KCNT2: variants seen among roughly 807,000 people sequenced by gnomAD.
KCNT2 encodes the protein potassium sodium-activated channel subfamily T member 2.
A neutral mutation model predicts 153.8 loss-of-function variants in KCNT2; 67 were observed. The observed-to-expected ratio is 0.44, with a 90% CI of 0.36 to 0.53. The LOEUF (loss-of-function observed/expected upper bound fraction) is 0.53. Among genes scored for constraint, KCNT2 ranks in the 20% least tolerant of loss-of-function variants. KCNT2 has a pLI of 0.00. For synonymous variants in KCNT2, 500 were observed against 458.8 expected, an observed-to-expected ratio of 1.09 and a Z score of -1.15; for missense variants, 975 against 1,354.8, an observed-to-expected ratio of 0.72 and a Z score of 4.40.
At chr1:196,500,997 A>G (rs1680653748) in intron 1 of KCNT2, among the ~76,000 whole-genome samples, 1 of 152,186 alleles carries the variant, frequency 6.6e-6, no homozygotes, top group African/African-American at 2.4e-5. Flanking sequence ...TAAAATCACA[A>G]TGAGATACCA....
intron 1 of KCNT2, among the ~76,000 whole-genome samples, chr1:196,585,600 TAA>T (rs60513367): frequency 6.6e-6 from 1 of 151,044 alleles, no homozygotes; most frequent in Non-Finnish European, 1.5e-5. Context: ...GCTAACTAAT[TAA>T]AAAAAAACAT....
At chr1:196,548,196 T>C (rs1422827444) in intron 1 of KCNT2, among the ~76,000 whole-genome samples, 2 of 152,038 alleles carry the variant, frequency 1.3e-5, no homozygotes, top group East Asian at 1.9e-4. Context: ...TCTGTTTTTA[T>C]AGTTCTTTAA....
chr1:196,317,703 T>C (rs1662863180), intron 20 of KCNT2, among the ~76,000 whole-genome samples: 1 of 151,690 alleles, frequency 6.6e-6, no homozygotes, highest in African/African-American at 2.4e-5. Flanking sequence ...AGATGAATAG[T>C]TAATCATCAA....
chr1:196,273,221 A>G (rs1658233017), intron 25 of KCNT2, among the ~76,000 whole-genome samples: 1 of 151,852 alleles, frequency 6.6e-6, no homozygotes, highest in Admixed American at 6.6e-5. Context: ...TTTAATTAGC[A>G]CACAAATATC....
At chr1:196,464,882 A>T (rs1677472987) in intron 8 of KCNT2, among the ~76,000 whole-genome samples, 1 of 152,004 alleles carries the variant, frequency 6.6e-6, no homozygotes, top group African/African-American at 2.4e-5. Context: ...TCATGCACAG[A>T]AAGCAGAGGC....
intron 4 of KCNT2, among the ~76,000 whole-genome samples, chr1:196,481,294 T>C (rs973967269): frequency 1.3e-5 from 2 of 152,156 alleles, no homozygotes; most frequent in African/African-American, 4.8e-5. Flanking sequence ...ATGAAAGATA[T>C]TGAAGACTTG....
In KCNT2 at chr1:196,435,668, T is replaced by C. The variant is rs568196964; in HGVS notation, c.639-5911A>G. Reference sequence around the variant, plus strand: ...CGATTATGTCACAGTGAATACTGCATGCTCTAATACAAAGTTCAGTCAATC... The same window carrying C: ...CGATTATGTCACAGTGAATACTGCACGCTCTAATACAAAGTTCAGTCAATC... On this transcript the variant is annotated intron_variant, in intron 8 of 27. Transcript: ENST00000294725. Among the ~76,000 whole-genome samples the C allele has an allele frequency of 2.6e-5, 4 of 151,880 alleles. No individual in the cohort carries two copies. The East Asian group carries it at 7.8e-4, about 29-fold the overall frequency.
chr1:196,378,209 C>A (rs1203610821), intron 13 of KCNT2, among the ~76,000 whole-genome samples: 1 of 152,138 alleles, frequency 6.6e-6, no homozygotes, highest in East Asian at 1.9e-4. Context: ...AAAGGACATA[C>A]TATGGACCAA....
chr1:196,486,999 T>C (rs1197818645), intron 3 of KCNT2, among the ~76,000 whole-genome samples: 2 of 151,898 alleles, frequency 1.3e-5, no homozygotes, highest in Non-Finnish European at 2.9e-5. Context: ...CAACCAACTA[T>C]CAAGGATGTT....
intron 1 of KCNT2, among the ~76,000 whole-genome samples, chr1:196,577,591 C>T (rs774922169): frequency 2.6e-5 from 4 of 152,148 alleles, no homozygotes; most frequent in Admixed American, 6.6e-5. Context: ...CTATTCAAGG[C>T]TGAGGAAAGA....
chr1:196,404,233 A>C, intron 12 of KCNT2: 1 of 488,276 alleles, frequency 2.0e-6, no homozygotes, highest in Middle Eastern at 1.0e-3. Flanking sequence ...CTAATCTAAA[A>C]ACTTGTCACT....
chr1:196,270,428 A>G (rs1657957697), intron 25 of KCNT2, among the ~76,000 whole-genome samples: 1 of 152,144 alleles, frequency 6.6e-6, no homozygotes, highest in Non-Finnish European at 1.5e-5. Flanking sequence ...AAAATTAAGT[A>G]TGTATGCTTA....
At chr1:196,464,048 G>A (rs956369258) in intron 8 of KCNT2, among the ~76,000 whole-genome samples, 17 of 151,466 alleles carry the variant, frequency 1.1e-4, no homozygotes, top group Non-Finnish European at 1.8e-4. Context: ...AAAAATTATC[G>A]TATGCATACC....
intron 8 of KCNT2, among the ~76,000 whole-genome samples, chr1:196,464,066 C>CG (rs1677391860): frequency 6.6e-6 from 1 of 151,810 alleles, no homozygotes; most frequent in African/African-American, 2.4e-5. Context: ...ACCATACATA[C>CG]ATAATTTTTT....
At chr1:196,486,044 G>C (rs937137405) in intron 3 of KCNT2, among the ~76,000 whole-genome samples, 2 of 151,876 alleles carry the variant, frequency 1.3e-5, no homozygotes, top group African/African-American at 4.8e-5. Flanking sequence ...TTAAGTAGCA[G>C]ATGCATCATC....
chr1:196,539,845 A>C (rs1258678897), intron 1 of KCNT2, among the ~76,000 whole-genome samples: 2 of 151,594 alleles, frequency 1.3e-5, no homozygotes, highest in African/African-American at 4.8e-5. Flanking sequence ...TGTATTATAT[A>C]TATAAATTAT....
intron 8 of KCNT2, among the ~76,000 whole-genome samples, chr1:196,452,548 G>C (rs777740140): frequency 6.6e-6 from 1 of 151,728 alleles, no homozygotes; most frequent in African/African-American, 2.4e-5. Flanking sequence ...AGCTTTTTAC[G>C]GCTCAGCTAT....
intron 21 of KCNT2, among the ~76,000 whole-genome samples, chr1:196,314,932 T>G (rs1041286653): frequency 2.6e-5 from 4 of 151,764 alleles, no homozygotes; most frequent in Non-Finnish European, 5.9e-5. Context: ...AATAATATTG[T>G]GATTAATATA....
chr1:196,338,613 A>G (rs1665267586), intron 16 of KCNT2, among the ~76,000 whole-genome samples: 1 of 152,072 alleles, frequency 6.6e-6, no homozygotes, highest in Non-Finnish European at 1.5e-5. Flanking sequence ...GGTAGTATAA[A>G]GCAGGTGATT....
Sources: allele counts gnomAD v4.1 joint callset (sites outside exome capture counted in the v4.1 genomes callset), GRCh38; gene constraint gnomAD v4.1.1; transcripts MANE v1.5; gene names NCBI Gene and HGNC (gene_info 2026-07-23, HGNC 2026-07-21).